OLFML2B: variants seen among roughly 807,000 people sequenced by gnomAD.
OLFML2B encodes the protein olfactomedin like 2B.
A neutral mutation model predicts 74.9 loss-of-function variants in OLFML2B; 57 were observed. That is an observed-to-expected ratio of 0.76 (90% CI 0.61 to 0.95). The LOEUF is 0.95. OLFML2B is among the 40% of genes least tolerant of loss of function. The pLI is 0.00. For missense variants in OLFML2B, 986 were observed against 970.6 expected, an observed-to-expected ratio of 1.02 and a Z score of -0.21; for synonymous variants, 388 against 405.8, an observed-to-expected ratio of 0.96 and a Z score of 0.53.
chr1:161,984,780 C>T, intron 7 of OLFML2B, 24 bp downstream of exon 7: 1 of 1,609,310 alleles, frequency 6.2e-7, no homozygotes, highest in Admixed American at 1.7e-5. Flanking sequence ...AAGGAGCAGT[C>T]TGGGTTGGAT....
chr1:162,016,791 T>G (rs1690555263), intron 3 of OLFML2B, among the ~76,000 whole-genome samples: 1 of 152,158 alleles, frequency 6.6e-6, no homozygotes, highest in South Asian at 2.1e-4. Flanking sequence ...CACCACTAGA[T>G]GAAAACCACA....
chr1:162,009,766 C>T (rs964150555), intron 3 of OLFML2B, among the ~76,000 whole-genome samples: 3 of 152,196 alleles, frequency 2.0e-5, no homozygotes, highest in African/African-American at 7.2e-5. Flanking sequence ...TTGGCCACCC[C>T]CAGTCAGCCA....
At chr1:162,016,145 G>A (rs1690527881) in intron 3 of OLFML2B, among the ~76,000 whole-genome samples, 1 of 152,204 alleles carries the variant, frequency 6.6e-6, no homozygotes, top group Non-Finnish European at 1.5e-5. Context: ...CAGCTATCCT[G>A]GCAAAGTAAT....
intron 4 of OLFML2B, 37 bp downstream of exon 4, chr1:162,006,260 G>A (rs373686975): frequency 7.9e-6 from 12 of 1,510,044 alleles, no homozygotes; most frequent in African/African-American, 2.8e-5. Context: ...CACTTCCAGG[G>A]CTTGTGATCA....
chr1:162,006,520 A>T (rs1193179076), intron 3 of OLFML2B, 47 bp from the exon 4 acceptor site: 1 of 1,448,288 alleles, frequency 6.9e-7, no homozygotes, highest in Admixed American at 2.1e-5. Context: ...CCCTGAAGAC[A>T]AGCAGGAGGC....
intron 4 of OLFML2B, among the ~76,000 whole-genome samples, chr1:162,000,589 A>G (rs1259044436): frequency 1.3e-5 from 2 of 152,246 alleles, no homozygotes. Flanking sequence ...GAGGTTACAT[A>G]AATTTCCCAA....
chr1:161,993,014 T>TG (rs75164304), intron 6 of OLFML2B, among the ~76,000 whole-genome samples: 95,947 of 151,810 alleles, frequency 0.63, 30,617 homozygotes, highest in Middle Eastern at 0.7. Flanking sequence ...TGCAATAAGA[T>TG]GGGGCATGCC....
intron 3 of OLFML2B, among the ~76,000 whole-genome samples, chr1:162,011,362 G>C (rs543197213): frequency 6.6e-6 from 1 of 152,174 alleles, no homozygotes; most frequent in Non-Finnish European, 1.5e-5. Context: ...GGACCCAAGG[G>C]GGGAGGGCTC....
chr1:161,997,784 T>C, intron 6 of OLFML2B, 41 bp downstream of exon 6: 2 of 1,565,478 alleles, frequency 1.3e-6, no homozygotes, highest in Non-Finnish European at 1.7e-6. Context: ...GCCTTTTACC[T>C]GAGCTGATCA....
intron 6 of OLFML2B, among the ~76,000 whole-genome samples, chr1:161,990,133 C>G (rs1447323867): frequency 6.6e-6 from 1 of 152,128 alleles, no homozygotes; most frequent in African/African-American, 2.4e-5. Flanking sequence ...GTTCATATAT[C>G]AAGTAAAACA....
At chr1:162,010,339 C>T (rs1690345112) in intron 3 of OLFML2B, among the ~76,000 whole-genome samples, 1 of 152,104 alleles carries the variant, frequency 6.6e-6, no homozygotes, top group Non-Finnish European at 1.5e-5. Context: ...TCCACTGGTG[C>T]CACACTGCCA....
At chr1:161,994,399 T>C (rs556562193) in intron 6 of OLFML2B, among the ~76,000 whole-genome samples, 2 of 152,358 alleles carry the variant, frequency 1.3e-5, no homozygotes, top group East Asian at 3.8e-4. Context: ...ACATTCTTCA[T>C]AGTTCATGGT....
intron 6 of OLFML2B, among the ~76,000 whole-genome samples, chr1:161,986,700 A>G (rs1384039054): frequency 6.6e-6 from 1 of 152,224 alleles, no homozygotes; most frequent in Non-Finnish European, 1.5e-5. Flanking sequence ...CCTGGAGCTA[A>G]GCAGGGCCCT....
intron 6 of OLFML2B, among the ~76,000 whole-genome samples, chr1:161,987,847 AAC>A (rs1318208931): frequency 6.6e-6 from 1 of 152,164 alleles, no homozygotes; most frequent in Non-Finnish European, 1.5e-5. Flanking sequence ...AGAGAGAGCA[AAC>A]ACTGCTGCCC....
intron 4 of OLFML2B, among the ~76,000 whole-genome samples, chr1:162,005,903 A>T (rs2499831): frequency 0.16 from 6,019 of 38,376 alleles, 161 homozygotes; most frequent in African/African-American, 0.27. Context: ...GGAACCTATC[A>T]AAAAAAAAAA....
rs148419625 is a variant in OLFML2B, at chr1:162,018,649, G to A, written c.439-1142C>T. ...CAGAGGCCCTGGCAGGAAGGTGGCC[G>A]AGGCTCTGGCGGCACTGAGGGCATG... On this transcript the variant is annotated intron_variant, in intron 2 of 7. Transcript: ENST00000294794. Among the ~76,000 whole-genome samples, 467 of 152,318 alleles carry A rather than the reference G, an allele frequency of 3.1e-3. 5 individuals carry two copies. The highest frequency in any genetic ancestry group is 9.8e-3 in the African/African-American group (409 of 41,572).
chr1:162,015,037 T>C (rs1254321943), intron 3 of OLFML2B, among the ~76,000 whole-genome samples: 1 of 152,192 alleles, frequency 6.6e-6, no homozygotes, highest in African/African-American at 2.4e-5. Context: ...GGTCAAGTCA[T>C]CTAATTTCCT....
rs542078340 is a variant in OLFML2B at position 161,983,528 on chromosome 1, C to T, written c.*147G>A. 8.0e-6 allele frequency: 7 copies of T among 876,820 alleles called. No homozygotes were observed. The East Asian group carries it at 1.4e-4, about 17-fold the overall frequency. The allele number at this position is 876,820 out of a possible 1,614,324, so 54.3% of individuals were successfully genotyped here. On this transcript the variant is annotated 3_prime_UTR_variant, in exon 8 of 8. Coordinates refer to ENST00000294794, the MANE Select transcript of OLFML2B (RefSeq NM_015441.3). ...CTACAATCCATATAAAAAAATAGAC[C>T]CAAATTGTCATTTTACATTTGCAAT...
intron 6 of OLFML2B, among the ~76,000 whole-genome samples, chr1:161,993,146 C>T (rs1205025780): frequency 6.6e-6 from 1 of 152,202 alleles, no homozygotes. Flanking sequence ...ATTTACTACT[C>T]GGCATGGCAC....
Sources: gnomAD v4.1 joint callset for allele counts (sites outside exome capture counted in the v4.1 genomes callset) on GRCh38, gnomAD v4.1.1 for gene constraint, MANE v1.5 for transcripts, NCBI Gene and HGNC (gene_info 2026-07-23, HGNC 2026-07-21) for gene names.